Variants in MYO16 observed in about 807,000 individuals in gnomAD.
MYO16 encodes unconventional myosin-XVI.
MYO16 carries 94 observed loss-of-function variants against 205.3 expected under a neutral mutation model. The ratio of observed to expected loss-of-function variants is 0.46; its 90% CI spans 0.39 to 0.54. The LOEUF (loss-of-function observed/expected upper bound fraction) is 0.54, where lower values mean the gene tolerates loss of function less well. Among genes scored for constraint, MYO16 ranks in the 20% least tolerant of loss-of-function variants. The probability of loss-of-function intolerance (pLI) is 0.00; values close to 1 mark genes in which losing one functional copy is unlikely to be tolerated. For missense variants in MYO16, 2,315 were observed against 2,387.5 expected (o/e 0.97, Z 0.63); for synonymous variants, 988 against 954.0 (o/e 1.04, Z -0.66).
chr13:109,174,892 C>T lies in MYO16; in HGVS notation c.5324-4650C>T, dbSNP rs1028846738. 7.3e-5 allele frequency among the ~76,000 whole-genome samples: 11 copies of T among 151,302 alleles called. No individual in the cohort carries two copies. The Admixed American group carries it at 7.3e-4, about 10-fold the overall frequency. On this transcript the variant is annotated intron_variant, in intron 33 of 34. Coordinates refer to ENST00000457511, the MANE Select transcript of MYO16 (RefSeq NM_001198950.3). Reference sequence around the variant, plus strand: ...TCAGCCTCCCGAGTAGCTGGGACTACAGGCGCATGCCACCACATTTTTTTT... The same window carrying T: ...TCAGCCTCCCGAGTAGCTGGGACTATAGGCGCATGCCACCACATTTTTTTT...
chr13:108,827,186 C>T (rs1876319698), intron 9 of MYO16, among the ~76,000 whole-genome samples: 1 of 152,130 alleles, frequency 6.6e-6, no homozygotes, highest in South Asian at 2.1e-4. Context: ...CATGGCTGCT[C>T]ATTTTTCTTT....
intron 6 of MYO16, among the ~76,000 whole-genome samples, chr13:108,800,760 C>T (rs956540600): frequency 6.6e-6 from 1 of 152,122 alleles, no homozygotes; most frequent in African/African-American, 2.4e-5. Context: ...TCAGCATGAT[C>T]TTCTAGCTTC....
At chr13:108,701,111 T>C (rs888441433) in intron 2 of MYO16, among the ~76,000 whole-genome samples, 1 of 152,140 alleles carries the variant, frequency 6.6e-6, no homozygotes, top group African/African-American at 2.4e-5. Context: ...CTACACATGA[T>C]ACGTAATATA....
chr13:109,100,798 G>A lies in MYO16; in HGVS notation c.3349G>A (p.Ala1117Thr). Reference protein sequence around the residue: ...SDFLSRYKPLADTFLREKKEQ... With the variant: ...SDFLSRYKPLTDTFLREKKEQ... ...TGCTTTTCACAGGTATAAGCCACTGGCTGATACATTCCTGCGTGAGAAGAA... is the reference window on the plus strand; with the variant it reads ...TGCTTTTCACAGGTATAAGCCACTGACTGATACATTCCTGCGTGAGAAGAA... The change falls in exon 28 of 35, where the codon GCT (alanine) becomes ACT (threonine). Residue 1117 changes from alanine to threonine, a missense_variant. Ala to Thr is a moderately conservative substitution (Grantham distance 58). This residue lies in a region of MYO16 where 1,097 missense variants were observed against 1,092.0 expected (regional missense o/e 1.00). Transcript: ENST00000457511. 2 of 1,613,286 alleles carry A rather than the reference G, an allele frequency of 1.2e-6. No homozygotes were observed. The highest frequency in any genetic ancestry group is 1.7e-6 in the Non-Finnish European group (2 of 1,179,368).
At chr13:109,206,115 G>T (rs1880588179) in intron 34 of MYO16, among the ~76,000 whole-genome samples, 1 of 150,086 alleles carries the variant, frequency 6.7e-6, no homozygotes, top group African/African-American at 2.5e-5. Context: ...CCATCTTTGG[G>T]TCCATGCCTT....
intron 3 of MYO16, among the ~76,000 whole-genome samples, chr13:108,720,175 A>C (rs1884105484): frequency 6.6e-6 from 1 of 152,170 alleles, no homozygotes; most frequent in Non-Finnish European, 1.5e-5. Context: ...AAAAGCAAAA[A>C]TAAGTATGTT....
At chr13:108,504,779 C>T in the MYO16 span, among the ~76,000 whole-genome samples, 1 of 152,036 alleles carries the variant, frequency 6.6e-6, no homozygotes, top group Non-Finnish European at 1.5e-5. Flanking sequence ...TTGTGATCCA[C>T]CCACCTCGGC....
chr13:108,521,190 G>C, the MYO16 span, among the ~76,000 whole-genome samples: 1 of 152,252 alleles, frequency 6.6e-6, no homozygotes, highest in Non-Finnish European at 1.5e-5. Context: ...ATGTGTGACA[G>C]CCTATCTCAG....
chr13:108,891,638 G>A (rs1880178795), intron 14 of MYO16, among the ~76,000 whole-genome samples: 1 of 152,178 alleles, frequency 6.6e-6, no homozygotes, highest in South Asian at 2.1e-4. Flanking sequence ...CGATATTGCT[G>A]CAGTGTGAAA....
intron 4 of MYO16, among the ~76,000 whole-genome samples, chr13:108,764,105 ACT>A (rs757245564): frequency 9.9e-5 from 15 of 152,098 alleles, no homozygotes; most frequent in Admixed American, 2.6e-4. Context: ...AGAGACACAA[ACT>A]CTGAAATAAA....
chr13:109,078,236 G>A (rs553188471), intron 27 of MYO16, among the ~76,000 whole-genome samples: 1 of 150,762 alleles, frequency 6.6e-6, no homozygotes, highest in South Asian at 2.1e-4. Context: ...AGACCAGCCT[G>A]GGCAGCATGG....
chr13:108,759,554 G>T (rs1198803878), intron 4 of MYO16, among the ~76,000 whole-genome samples: 2 of 152,196 alleles, frequency 1.3e-5, no homozygotes, highest in Non-Finnish European at 2.9e-5. Flanking sequence ...GGGCGTGGTG[G>T]CTCACGCCTG....
chr13:108,700,285 T>C lies in MYO16; in HGVS notation c.293-12376T>C, dbSNP rs533522708. On this transcript the variant is annotated intron_variant, in intron 2 of 34. Coordinates refer to ENST00000457511, the MANE Select transcript of MYO16 (RefSeq NM_001198950.3). ...AGGCAGAGGTTGCAGTGAGCTGAGA[T>C]TGAGCCATTGCACTGCAGCTTGGGC... 6.7e-5 allele frequency among the ~76,000 whole-genome samples: 10 copies of C among 148,246 alleles called. No individual in the cohort carries two copies. The South Asian group carries it at 1.9e-3, about 28-fold the overall frequency.
intron 11 of MYO16, among the ~76,000 whole-genome samples, chr13:108,864,950 T>C (rs1198069481): frequency 6.6e-6 from 1 of 152,148 alleles, no homozygotes; most frequent in Non-Finnish European, 1.5e-5. Flanking sequence ...GCACCAAAAC[T>C]CTACTCTCTT....
chr13:108,567,938 T>C, the MYO16 span, among the ~76,000 whole-genome samples: 3 of 152,200 alleles, frequency 2.0e-5, no homozygotes, highest in Non-Finnish European at 2.9e-5. Flanking sequence ...ACTGAACATT[T>C]AATGTAAATA....
intron 28 of MYO16, among the ~76,000 whole-genome samples, chr13:109,108,340 G>A (rs1034292339): frequency 2.6e-5 from 4 of 152,176 alleles, no homozygotes; most frequent in African/African-American, 7.2e-5. Context: ...CAGTGCGTTT[G>A]GGTGATATGT....
chr13:109,049,633 GA>G (rs1887171909), intron 24 of MYO16, among the ~76,000 whole-genome samples: 1 of 151,502 alleles, frequency 6.6e-6, no homozygotes, highest in Non-Finnish European at 1.5e-5. Flanking sequence ...AGTTTTATTA[GA>G]GGCATTTTCT....
At chr13:109,022,846 T>C (rs1377558873) in intron 23 of MYO16, among the ~76,000 whole-genome samples, 1 of 136,612 alleles carries the variant, frequency 7.3e-6, no homozygotes, top group Non-Finnish European at 1.5e-5. Flanking sequence ...AGTATATATT[T>C]ATATATTATA....
chr13:109,051,617 C>G (rs1456414562), intron 24 of MYO16, among the ~76,000 whole-genome samples: 1 of 152,088 alleles, frequency 6.6e-6, no homozygotes, highest in Non-Finnish European at 1.5e-5. Context: ...ATCCAAAATC[C>G]ACTCAACTGA....
Sources: allele counts gnomAD v4.1 joint callset (sites outside exome capture counted in the v4.1 genomes callset), GRCh38; gene constraint gnomAD v4.1.1; regional missense constraint gnomAD v4.1.1; transcripts MANE v1.5; gene names NCBI Gene and HGNC (gene_info 2026-07-23, HGNC 2026-07-21).